Variants in MYO5B observed in about 807,000 individuals in gnomAD.
The protein encoded by MYO5B is myosin VB, also known as unconventional myosin-Vb.
A neutral mutation model predicts 229.3 loss-of-function variants in MYO5B; 143 were observed. The ratio of observed to expected loss-of-function variants is 0.62; its 90% CI spans 0.54 to 0.72. The LOEUF (loss-of-function observed/expected upper bound fraction) is 0.72. Among genes scored for constraint, MYO5B ranks in the 30% least tolerant of loss-of-function variants. The pLI is 0.00. For synonymous variants in MYO5B, 918 were observed against 885.2 expected (o/e 1.04, Z -0.66); for missense variants, 2,321 against 2,331.0 (o/e 1.00, Z 0.09).
chr18:49,864,925 C>T (rs534339571), intron 27 of MYO5B, among the ~76,000 whole-genome samples: 1 of 152,260 alleles, frequency 6.6e-6, no homozygotes, highest in Non-Finnish European at 1.5e-5. Flanking sequence ...TAGAAAGCCA[C>T]CAACTGTCCC....
intron 29 of MYO5B, among the ~76,000 whole-genome samples, chr18:49,861,513 C>A (rs921332343): frequency 9.2e-5 from 14 of 152,232 alleles, no homozygotes; most frequent in Non-Finnish European, 2.1e-4. Context: ...ATGACTAAAT[C>A]TTGACTCCAG....
At chr18:49,926,965 T>C (rs1388968483) in intron 17 of MYO5B, among the ~76,000 whole-genome samples, 3 of 152,144 alleles carry the variant, frequency 2.0e-5, no homozygotes, top group Non-Finnish European at 4.4e-5. Context: ...GTTCCTGGGA[T>C]CACCAGATTT....
chr18:49,974,237 C>G, intron 10 of MYO5B, 113 bp downstream of exon 10: 1 of 1,499,738 alleles, frequency 6.7e-7, no homozygotes, highest in Non-Finnish European at 9.3e-7. Context: ...ACATTTTAAA[C>G]TGCCCTAAGT....
chr18:50,044,994 GAA>G (rs2144400177), intron 2 of MYO5B, among the ~76,000 whole-genome samples: 1 of 152,268 alleles, frequency 6.6e-6, no homozygotes, highest in African/African-American at 2.4e-5. Context: ...TTTTACATGT[GAA>G]AAGAGGGAGA....
chr18:50,175,392 C>G (rs1455838305), intron 1 of MYO5B, among the ~76,000 whole-genome samples: 1 of 152,222 alleles, frequency 6.6e-6, no homozygotes, highest in Non-Finnish European at 1.5e-5. Flanking sequence ...CTACCTCCCA[C>G]CATTAAATAA....
At chr18:50,108,657 T>G (rs2076728218) in intron 1 of MYO5B, among the ~76,000 whole-genome samples, 1 of 152,170 alleles carries the variant, frequency 6.6e-6, no homozygotes, top group African/African-American at 2.4e-5. Flanking sequence ...ACATGCATCC[T>G]TGACAATCCA....
intron 17 of MYO5B, among the ~76,000 whole-genome samples, chr18:49,912,466 C>T (rs189503426): frequency 6.6e-6 from 1 of 152,174 alleles, no homozygotes; most frequent in Non-Finnish European, 1.5e-5. Flanking sequence ...TGGCTGTGTC[C>T]CCACCCAAAT....
chr18:49,984,931 T>C, intron 7 of MYO5B, 106 bp from the exon 8 acceptor site: 3 of 811,458 alleles, frequency 3.7e-6, no homozygotes, highest in Non-Finnish European at 6.5e-6. Context: ...CCAGACTAAA[T>C]TTTAGGCCCA....
chr18:50,074,499 C>G (rs1245401439), intron 1 of MYO5B, among the ~76,000 whole-genome samples: 1 of 152,194 alleles, frequency 6.6e-6, no homozygotes, highest in Non-Finnish European at 1.5e-5. Context: ...TGCATGTCCT[C>G]TCTACCAACC....
intron 26 of MYO5B, 98 bp from the exon 27 acceptor site, chr18:49,872,330 C>A: frequency 8.5e-7 from 1 of 1,172,916 alleles, no homozygotes; most frequent in South Asian, 1.2e-5. Context: ...CCTGCCTGTG[C>A]GTGAATACCC....
chr18:49,885,439 A>T (rs935458049), intron 22 of MYO5B, among the ~76,000 whole-genome samples: 9 of 152,098 alleles, frequency 5.9e-5, no homozygotes, highest in African/African-American at 2.2e-4. Context: ...CTGCACCCCC[A>T]TCAGACAGGC....
chr18:50,030,368 G>A (rs560152114), intron 4 of MYO5B, among the ~76,000 whole-genome samples: 4 of 147,172 alleles, frequency 2.7e-5, no homozygotes, highest in Admixed American at 1.3e-4. Flanking sequence ...GGGTTGTCCC[G>A]GCAACAGAGG....
chr18:50,099,164 T>A (rs2031608832), intron 1 of MYO5B: 1 of 152,264 alleles, frequency 6.6e-6, no homozygotes, highest in Admixed American at 6.5e-5. Context: ...TCTTAAAGTC[T>A]GAGGATGCAC....
intron 1 of MYO5B, among the ~76,000 whole-genome samples, chr18:50,074,228 G>A (rs533092130): frequency 6.6e-6 from 1 of 152,194 alleles, no homozygotes; most frequent in East Asian, 1.9e-4. Flanking sequence ...AGACTTATTC[G>A]CTATCATGAG....
chr18:50,045,056 T>C (rs1009091816), intron 2 of MYO5B, among the ~76,000 whole-genome samples: 1 of 152,182 alleles, frequency 6.6e-6, no homozygotes, highest in Non-Finnish European at 1.5e-5. Context: ...AGAGGGATGA[T>C]TTCTGTTCTT....
rs1228260000 is a variant in MYO5B, at chr18:50,148,320, C to T, written c.27+46447G>A. 1.6e-4 allele frequency among the ~76,000 whole-genome samples: 24 copies of T among 150,794 alleles called. 1 individual carries two copies. Among genetic ancestry groups the T allele is most frequent in the Non-Finnish European group, 3.0e-5 (2 of 67,782 alleles). On this transcript the variant is annotated intron_variant, in intron 1 of 39. Coordinates refer to ENST00000285039, the MANE Select transcript of MYO5B (RefSeq NM_001080467.3). Reference sequence around the variant, plus strand: ...ATCAATAGAAAAAGAGGGAATCCTCCCTAACTCATTTTATGAGGCCAGCAT... The same window carrying T: ...ATCAATAGAAAAAGAGGGAATCCTCTCTAACTCATTTTATGAGGCCAGCAT...
Position 49,904,687 on chromosome 18 carries a change from C to A in MYO5B, c.2556G>T (p.Arg852=). 1 of 1,613,908 alleles carries A rather than the reference C, an allele frequency of 6.2e-7. No individual in the cohort carries two copies. The highest frequency in any genetic ancestry group is 8.5e-7 in the Non-Finnish European group (1 of 1,180,040). Residue 852 remains arginine (R), a synonymous_variant, in exon 20 of 40, where the codon CGG becomes CGT. Coordinates refer to ENST00000285039, the MANE Select transcript of MYO5B (RefSeq NM_001080467.3). ...GGCTACTCACCTGGCGGTAGGTTCT[C>A]CGCACAAACATGGCCCGGGTGAAGG... is the stretch of plus-strand genomic sequence containing the variant. ...IQAFTRAMFV[R]RTYRQVLMEH...
intron 1 of MYO5B, among the ~76,000 whole-genome samples, chr18:50,106,037 C>G (rs1034579812): frequency 6.6e-6 from 1 of 152,104 alleles, no homozygotes; most frequent in Non-Finnish European, 1.5e-5. Flanking sequence ...CATAACTCAT[C>G]CTCCCATCCT....
intron 1 of MYO5B, among the ~76,000 whole-genome samples, chr18:50,070,859 T>A (rs955002491): frequency 2.0e-5 from 3 of 151,974 alleles, no homozygotes; most frequent in Non-Finnish European, 4.4e-5. Context: ...TTCACCTGTT[T>A]TGAGACAGGA....
Sources: allele counts gnomAD v4.1 joint callset (sites outside exome capture counted in the v4.1 genomes callset), GRCh38; gene constraint gnomAD v4.1.1; transcripts MANE v1.5; gene names NCBI Gene and HGNC (gene_info 2026-07-23, HGNC 2026-07-21).